EHMT2: variants seen among roughly 807,000 people sequenced by gnomAD.
The protein encoded by EHMT2 is euchromatic histone lysine methyltransferase 2.
A neutral mutation model predicts 143.3 loss-of-function variants in EHMT2; 59 were observed. The ratio of observed to expected loss-of-function variants is 0.41; its 90% CI spans 0.33 to 0.51. The LOEUF is 0.51. Ranked by LOEUF, EHMT2 falls within the 20% of genes least tolerant of loss-of-function variation. The pLI is 0.18. For missense variants in EHMT2, 1,174 were observed against 1,645.9 expected (o/e 0.71, Z 4.96); for synonymous variants, 604 against 651.5 (o/e 0.93, Z 1.11).
At position 31,892,084 on chromosome 6, in the gene EHMT2, A is replaced by G. The variant is rs147233514; in HGVS notation, c.864+323T>C. 6.3e-3 allele frequency among the ~76,000 whole-genome samples: 952 copies of G among 152,292 alleles called. 8 individuals carry two copies. The highest frequency in any genetic ancestry group is 0.022 in the African/African-American group (896 of 41,550). On this transcript the variant is annotated intron_variant, in intron 7 of 27. Transcript: ENST00000375537. ...CAGGGAAACCCCGTCTCTACTAAAA[A>G]TACAAAAATTAGCCGGGCGTGGTGG...
chr6:31,880,640 T>C lies in EHMT2; in HGVS notation c.3452+33A>G. The C allele has an allele frequency of 6.2e-7, 1 of 1,608,302 alleles. No individual in the cohort carries two copies. Among genetic ancestry groups the C allele is most frequent in the Non-Finnish European group, 8.5e-7 (1 of 1,176,840 alleles). On this transcript the variant is annotated intron_variant, in intron 27 of 27. Transcript: ENST00000375537. The surrounding 1 kb of genome is among the most constrained non-coding windows in gnomAD (Gnocchi z 6.6). ...CAGGTTTGCTGCATCTCCCACCCCC[T>C]GGCAGAGCCCCTAGAGACCCCTAGA... is the stretch of plus-strand genomic sequence containing the variant.
chr6:31,888,646 C>T lies in EHMT2; in HGVS notation c.1318G>A (p.Glu440Lys), dbSNP rs956018372. ...GCCATGCACTTGTGCCCCGCCCTCT[C>T]GCTGATGCGGTCAATCTTGGGTGCC... is the stretch of plus-strand genomic sequence containing the variant. Residue 440 changes from glutamate (E) to lysine (K), a missense_variant, in exon 11 of 28, where the codon GAG becomes AAG. Physicochemically the swap from Glu to Lys is moderately conservative, Grantham distance 56 (BLOSUM62 1). Transcript: ENST00000375537. The surrounding 1 kb of genome is among the most constrained non-coding windows in gnomAD (Gnocchi z 7.4). The T allele has an allele frequency of 3.7e-6, 6 of 1,613,702 alleles. No individual in the cohort carries two copies. The highest frequency in any genetic ancestry group is 1.7e-5 in the Admixed American group (1 of 60,020).
In EHMT2 at chr6:31,883,772, G is replaced by A. The variant is rs180742749; in HGVS notation, c.2916+34C>T. On this transcript the variant is annotated intron_variant, in intron 22 of 27. Transcript: ENST00000375537. This position sits in a 1 kb window ranked among gnomAD's most constrained non-coding sequence, Gnocchi z 5.6. ...CCAACTGTACTTGGCAGCTCTCGGT[G>A]TCCTTTTGGGGAGGCCCCGGGCCCC... 2,949 of 1,606,996 alleles carry A rather than the reference G, an allele frequency of 1.8e-3. 34 individuals carry two copies. Among genetic ancestry groups the A allele is most frequent in the Middle Eastern group, 0.014 (77 of 5,604 alleles).
chr6:31,892,620 T>C (rs1359917352), intron 6 of EHMT2, 58 bp from the exon 7 acceptor site: 2 of 1,612,248 alleles, frequency 1.2e-6, no homozygotes, highest in South Asian at 1.1e-5. Context: ...CTACTGAGGA[T>C]GGGATGCAGC....
chr6:31,890,262 C>A (rs1243968764), intron 7 of EHMT2, among the ~76,000 whole-genome samples: 1 of 151,584 alleles, frequency 6.6e-6, no homozygotes, highest in Non-Finnish European at 1.5e-5. Context: ...AAAAAAAAAT[C>A]TTTCTTATTT....
At position 31,888,107 on chromosome 6, in the gene EHMT2, G is replaced by C; in HGVS notation, c.1679C>G (p.Thr560Ser). ...CAGGGGTGGGGGTGCAGGAGCTGCAGTGCCGGCCGGTGGGGTCACCCCGTC... is the reference window on the plus strand; with the variant it reads ...CAGGGGTGGGGGTGCAGGAGCTGCACTGCCGGCCGGTGGGGTCACCCCGTC... The change falls in exon 13 of 28, where the codon ACT becomes AGT. Residue 560 changes from threonine (T) to serine (S), a missense_variant. Around this residue, in one of 6 missense-constraint regions of EHMT2, gnomAD observed 608 missense variants for 903.7 expected, o/e 0.67. Coordinates refer to ENST00000375537, the Ensembl canonical transcript of EHMT2. This position sits in a 1 kb window ranked among gnomAD's most constrained non-coding sequence, Gnocchi z 7.4. 1 of 1,611,460 alleles carries C rather than the reference G, an allele frequency of 6.2e-7. No homozygotes were observed. Among genetic ancestry groups the C allele is most frequent in the African/African-American group, 1.3e-5 (1 of 75,052 alleles).
Position 31,884,729 on chromosome 6 carries a change from G to A in EHMT2, c.2519C>T (p.Ala840Val), listed in dbSNP as rs748968823. The change falls in exon 20 of 28, where the codon GCG becomes GTG. Residue 840 changes from alanine to valine, a missense_variant. By Grantham distance (64) the Ala-to-Val change is moderately conservative. Transcript: ENST00000375537. The surrounding 1 kb of genome is among the most constrained non-coding windows in gnomAD (Gnocchi z 7.3). ...GTTGACAGCATGGAGGTCACAGCGCGCATTCAGAAGGACTTCGGCGATGGC... is the reference window on the plus strand; with the variant it reads ...GTTGACAGCATGGAGGTCACAGCGCACATTCAGAAGGACTTCGGCGATGGC... 35 of 1,599,408 alleles carry A rather than the reference G, an allele frequency of 2.2e-5. 1 individual carries two copies. Among genetic ancestry groups the A allele is most frequent in the Non-Finnish European group, 2.7e-5 (32 of 1,173,130 alleles).
At position 31,883,048 on chromosome 6, in the gene EHMT2, G is replaced by A. The variant is rs1305998744; in HGVS notation, c.2995-39C>T. 11 of 1,567,602 alleles carry A rather than the reference G, an allele frequency of 7.0e-6. No individual in the cohort carries two copies. The highest frequency in any genetic ancestry group is 8.7e-6 in the Non-Finnish European group (10 of 1,143,386). On this transcript the variant is annotated intron_variant, in intron 23 of 27. Transcript: ENST00000375537. This position sits in a 1 kb window ranked among gnomAD's most constrained non-coding sequence, Gnocchi z 5.6. ...GGGAGGATAGTGGTTTCTCTGTGGG[G>A]CCCACCTCAGCTGCCCACCCAGGAA... is the stretch of plus-strand genomic sequence containing the variant.
chr6:31,897,580 C>A, intron 1 of EHMT2, 56 bp downstream of exon 1: 1 of 1,123,830 alleles, frequency 8.9e-7, no homozygotes, highest in Non-Finnish European at 1.1e-6. Context: ...CGGGCGCGCG[C>A]TTCCCCCGGG....
At chr6:31,886,402 A>C in intron 18 of EHMT2, 179 bp downstream of exon 18, 1 of 611,310 alleles carries the variant, frequency 1.6e-6, no homozygotes, top group South Asian at 2.1e-5. Context: ...AACTTGATAA[A>C]GAGAAAGAAA....
At position 31,888,417 on chromosome 6, in the gene EHMT2, G is replaced by C. The variant is rs142165631; in HGVS notation, c.1455C>G (p.Arg485=). 1.4e-5 allele frequency: 22 copies of C among 1,612,750 alleles called. No individual in the cohort carries two copies. The African/African-American group carries it at 2.1e-4, about 16-fold the overall frequency. The stretch of plus-strand genomic sequence containing the variant: ...AGCAGTGGTGTTTGACCATGCGGGC[G>C]CGGTGGGTCTCACAGAGCACCATCA... Residue 485 remains arginine, a synonymous_variant, in exon 12 of 28, where the codon CGC becomes CGG. Transcript: ENST00000375537. This position sits in a 1 kb window ranked among gnomAD's most constrained non-coding sequence, Gnocchi z 7.4.
Position 31,881,233 on chromosome 6 carries a change from A to G in EHMT2, c.3198-141T>C, listed in dbSNP as rs1329330818. Reference sequence around the variant, plus strand: ...TGGGGAAGGGAAGGCCTGGAGCAGCAGTGGTGGGCAAGTGAAAGGGCAGCA... The same window carrying G: ...TGGGGAAGGGAAGGCCTGGAGCAGCGGTGGTGGGCAAGTGAAAGGGCAGCA... On this transcript the variant is annotated intron_variant, in intron 25 of 27. Coordinates refer to ENST00000375537, the Ensembl canonical transcript of EHMT2. This position sits in a 1 kb window ranked among gnomAD's most constrained non-coding sequence, Gnocchi z 4.8. The G allele has an allele frequency of 5.4e-6, 4 of 740,958 alleles. No individual in the cohort carries two copies. The highest frequency in any genetic ancestry group is 5.2e-5 in the African/African-American group (3 of 58,070). The allele number at this position is 740,958 out of a possible 1,614,324, so 45.9% of individuals were successfully genotyped here. A position where few individuals can be genotyped will look rare whatever the true frequency, so the allele number is the denominator to read the frequency against.
In EHMT2 at chr6:31,888,875, A is replaced by G; in HGVS notation, c.1216+94T>C. ...CAGAACCCCTAAAGCCTGGCCATGG[A>G]CACCCCGGCTCTGGCGTGGTTCCCC... On this transcript the variant is annotated intron_variant, in intron 10 of 27. Transcript: ENST00000375537. The surrounding 1 kb of genome is among the most constrained non-coding windows in gnomAD (Gnocchi z 7.4). 6.8e-7 allele frequency: 1 copy of G among 1,475,596 alleles called. No individual in the cohort carries two copies. Among genetic ancestry groups the G allele is most frequent in the South Asian group, 1.2e-5 (1 of 81,766 alleles). The allele number at this position is 1,475,596 out of a possible 1,614,324, so 91.4% of individuals were successfully genotyped here. A position where few individuals can be genotyped will look rare whatever the true frequency, so the allele number is the denominator to read the frequency against.
intron 7 of EHMT2, among the ~76,000 whole-genome samples, chr6:31,890,296 G>A (rs1581933606): frequency 1.3e-5 from 2 of 151,902 alleles, no homozygotes; most frequent in South Asian, 2.1e-4. Context: ...TGCTCTTGTT[G>A]CCCAGGCTGC....
chr6:31,880,228 G>A lies in EHMT2; in HGVS notation c.3489C>T (p.Ser1163=), dbSNP rs754554361. 6.2e-7 allele frequency: 1 copy of A among 1,612,902 alleles called. No homozygotes were observed. Among genetic ancestry groups the A allele is most frequent in the Non-Finnish European group, 8.5e-7 (1 of 1,179,950 alleles). ...AGCCACATTGGCAGGTGAAATATTT[G>A]CTTTTGATGTCCCAGAAGCGGTCGC... Residue 1163 remains serine, a synonymous_variant, in exon 28 of 28, where the codon AGC becomes AGT. Transcript: ENST00000375537. The surrounding 1 kb of genome is among the most constrained non-coding windows in gnomAD (Gnocchi z 6.6).
chr6:31,886,304 A>T, intron 18 of EHMT2: 1 of 494,522 alleles, frequency 2.0e-6, no homozygotes, highest in Non-Finnish European at 3.5e-6. Context: ...TAAATGACTA[A>T]AACACATCCA....
intron 4 of EHMT2, chr6:31,893,719 G>A (rs1169398804): frequency 3.9e-6 from 1 of 255,856 alleles, no homozygotes; most frequent in Non-Finnish European, 7.9e-6. Flanking sequence ...GAACCTTGAG[G>A]ACATTATGCT....
At position 31,888,418 on chromosome 6, in the gene EHMT2, C is replaced by T. The variant is rs1329358409; in HGVS notation, c.1454G>A (p.Arg485His). 5 of 1,612,854 alleles carry T rather than the reference C, an allele frequency of 3.1e-6. No homozygotes were observed. The highest frequency in any genetic ancestry group is 1.7e-6 in the Non-Finnish European group (2 of 1,179,952). The change falls in exon 12 of 28, where the codon CGC (arginine) becomes CAC (histidine). Residue 485 changes from arginine to histidine, a missense_variant. This residue lies in a region of EHMT2 where 608 missense variants were observed against 903.7 expected (regional missense o/e 0.67). Transcript: ENST00000375537. The surrounding 1 kb of genome is among the most constrained non-coding windows in gnomAD (Gnocchi z 7.4). ...GCAGTGGTGTTTGACCATGCGGGCGCGGTGGGTCTCACAGAGCACCATCAG... is the reference window on the plus strand; with the variant it reads ...GCAGTGGTGTTTGACCATGCGGGCGTGGTGGGTCTCACAGAGCACCATCAG...
chr6:31,889,083 C>G lies in EHMT2; in HGVS notation c.1115-13G>C. ...ACACCATTCACTCCTGACACAGAGA[C>G]AGAGAGAGTGAGAGTGCGAGCTCAC... On this transcript the variant is annotated splice_polypyrimidine_tract_variant and intron_variant, in intron 9 of 27. Transcript: ENST00000375537. The surrounding 1 kb of genome is among the most constrained non-coding windows in gnomAD (Gnocchi z 5.1). The G allele has an allele frequency of 2.5e-6, 4 of 1,595,740 alleles. No individual in the cohort carries two copies. Among genetic ancestry groups the G allele is most frequent in the Non-Finnish European group, 2.6e-6 (3 of 1,171,318 alleles).
Sources: gnomAD v4.1 joint callset for allele counts (sites outside exome capture counted in the v4.1 genomes callset) on GRCh38, gnomAD v4.1.1 for gene constraint, gnomAD v4.1.1 regional missense constraint, Gnocchi (gnomAD v3.1) non-coding constraint, MANE v1.5 for transcripts, NCBI Gene and HGNC (gene_info 2026-07-23, HGNC 2026-07-21) for gene names.